Variants in ACAN observed in about 807,000 individuals in gnomAD.
ACAN encodes the protein aggrecan core protein.
A neutral mutation model predicts 169.1 loss-of-function variants in ACAN; 47 were observed. That is an observed-to-expected ratio of 0.28 (90% CI 0.22 to 0.35). ACAN has a LOEUF of 0.35. Among genes scored for constraint, ACAN ranks in the 10% least tolerant of loss-of-function variants. The pLI, the probability that ACAN is intolerant of heterozygous loss-of-function variation, is 1.00. For synonymous variants in ACAN, 1,115 were observed against 1,112.2 expected (o/e 1.00, Z -0.05); for missense variants, 2,716 against 2,759.9 (o/e 0.98, Z 0.36).
At chr15:88,860,689 C>T (rs565901657) in intron 13 of ACAN, among the ~76,000 whole-genome samples, 3 of 152,306 alleles carry the variant, frequency 2.0e-5, no homozygotes, top group Non-Finnish European at 2.9e-5. Flanking sequence ...AGGCTGATGA[C>T]TATTGTAGGA....
At chr15:88,840,938 A>G (rs1166494223) in intron 4 of ACAN, among the ~76,000 whole-genome samples, 1 of 152,152 alleles carries the variant, frequency 6.6e-6, no homozygotes, top group African/African-American at 2.4e-5. Flanking sequence ...AAGTCAGGAG[A>G]TCGAGACCAT....
At chr15:88,833,415 C>T (rs1048521543) in intron 1 of ACAN, among the ~76,000 whole-genome samples, 2 of 152,148 alleles carry the variant, frequency 1.3e-5, no homozygotes, top group Non-Finnish European at 2.9e-5. Flanking sequence ...CCGTCCCCTT[C>T]CTCTGCCTCA....
In ACAN at chr15:88,849,645, A is replaced by G; in HGVS notation, c.1940A>G (p.Lys647Arg). The G allele has an allele frequency of 6.2e-7, 1 of 1,613,478 alleles. No individual in the cohort carries two copies. Among genetic ancestry groups the G allele is most frequent in the South Asian group, 1.1e-5 (1 of 91,046 alleles). The change falls in exon 10 of 19, where the codon AAG becomes AGG. Residue 647 changes from lysine to arginine, a missense_variant. Physicochemically the swap from Lys to Arg is conservative, Grantham distance 26. Around this residue, in one of 3 missense-constraint regions of ACAN, gnomAD observed 1,283 missense variants for 1,281.5 expected, o/e 1.00. Coordinates refer to ENST00000560601, the MANE Select transcript of ACAN (RefSeq NM_001369268.1). The surrounding 1 kb of genome is among the most constrained non-coding windows in gnomAD (Gnocchi z 5.1). ...CCAAGGCCTGCCTGCGGTGGGGACA[A>G]GCCAGGCGTGAGAACGGTCTACCTC... The part of the protein sequence containing the change: ...VTPRPACGGD[K>R]PGVRTVYLYP...
At position 88,855,338 on chromosome 15, in the gene ACAN, T is replaced by C; in HGVS notation, c.2753T>C (p.Leu918Pro). ...VGSGLPVESG[L>P]PSGDEERIEW... ...TCAGGCCTGCCTGTGGAAAGTGGAC[T>C]ACCCTCAGGGGATGAAGAGAGAATT... The change falls in exon 12 of 19, where the codon CTA (leucine) becomes CCA (proline). Residue 918 changes from leucine to proline, a missense_variant. This residue lies in a region of ACAN where 1,283 missense variants were observed against 1,281.5 expected (regional missense o/e 1.00). Coordinates refer to ENST00000560601, the MANE Select transcript of ACAN (RefSeq NM_001369268.1). 6.2e-7 allele frequency: 1 copy of C among 1,612,352 alleles called. No homozygotes were observed. The highest frequency in any genetic ancestry group is 8.5e-7 in the Non-Finnish European group (1 of 1,178,860).
intron 1 of ACAN, among the ~76,000 whole-genome samples, chr15:88,810,128 G>A (rs922398208): frequency 6.6e-6 from 1 of 152,106 alleles, no homozygotes; most frequent in Non-Finnish European, 1.5e-5. Flanking sequence ...CTTGGATGGG[G>A]GTTCACAGGC....
chr15:88,859,130 C>G lies in ACAN; in HGVS notation c.6545C>G (p.Pro2182Arg), dbSNP rs551246840. 27 of 1,613,740 alleles carry G rather than the reference C, an allele frequency of 1.7e-5. No individual in the cohort carries two copies. Among genetic ancestry groups the G allele is most frequent in the East Asian group, 2.2e-5 (1 of 44,902 alleles). Residue 2182 changes from proline to arginine, a missense_variant, in exon 12 of 19, where the codon CCA becomes CGA. Around this residue, in one of 3 missense-constraint regions of ACAN, gnomAD observed 1,389 missense variants for 1,363.7 expected, o/e 1.02. Coordinates refer to ENST00000560601, the MANE Select transcript of ACAN (RefSeq NM_001369268.1). ...TTTSDVGTEA[P>R]GLPSATPTAS... Reference sequence around the variant, plus strand: ...ACCAGTGATGTGGGGACAGAGGCACCAGGCTTGCCTTCAGCCACTCCCACG... The same window carrying G: ...ACCAGTGATGTGGGGACAGAGGCACGAGGCTTGCCTTCAGCCACTCCCACG...
intron 1 of ACAN, among the ~76,000 whole-genome samples, chr15:88,829,230 A>G (rs1029620267): frequency 1.3e-5 from 2 of 152,274 alleles, no homozygotes; most frequent in African/African-American, 2.4e-5. Context: ...AGAGGAGGAA[A>G]TATCAAAAGA....
intron 1 of ACAN, among the ~76,000 whole-genome samples, chr15:88,821,242 C>T (rs1307852216): frequency 2.0e-5 from 3 of 152,164 alleles, no homozygotes; most frequent in Non-Finnish European, 4.4e-5. Flanking sequence ...CAGGCTCATG[C>T]GATCCTCCTA....
chr15:88,872,046 C>G lies in ACAN; in HGVS notation c.7263C>G (p.Thr2421=), dbSNP rs746607972. 1.9e-6 allele frequency: 3 copies of G among 1,614,006 alleles called. No homozygotes were observed. The highest frequency in any genetic ancestry group is 2.5e-6 in the Non-Finnish European group (3 of 1,179,930). ...DYQWIGLNDR[T]IEGDFRWSDG... The stretch of plus-strand genomic sequence containing the variant: ...AGTGGATCGGCCTGAACGACAGGAC[C>G]ATCGAAGGGGACTTCCGCTGGTCAG... Residue 2421 remains threonine, a synonymous_variant, in exon 16 of 19, where the codon ACC becomes ACG. Coordinates refer to ENST00000560601, the MANE Select transcript of ACAN (RefSeq NM_001369268.1). The surrounding 1 kb of genome is among the most constrained non-coding windows in gnomAD (Gnocchi z 5.4).
Position 88,841,797 on chromosome 15 carries a change from T to C in ACAN, c.687T>C (p.Gly229=). The change falls in exon 5 of 19, where the codon GGT becomes GGC. Residue 229 remains glycine, a synonymous_variant. Transcript: ENST00000560601. ...GCYGDKDEFP[G]VRTYGIRDTN... Reference sequence around the variant, plus strand: ...ATGGAGACAAGGATGAGTTTCCTGGTGTGAGGACGTATGGCATCCGAGACA... The same window carrying C: ...ATGGAGACAAGGATGAGTTTCCTGGCGTGAGGACGTATGGCATCCGAGACA... 1 of 1,613,370 alleles carries C rather than the reference T, an allele frequency of 6.2e-7. No homozygotes were observed.
intron 1 of ACAN, among the ~76,000 whole-genome samples, chr15:88,831,616 G>A (rs1008820802): frequency 2.6e-5 from 4 of 152,242 alleles, no homozygotes; most frequent in Admixed American, 6.5e-5. Context: ...GCTACCTTGT[G>A]AAGTTCATTA....
At position 88,843,444 on chromosome 15, in the gene ACAN, A is replaced by C; in HGVS notation, c.847A>C (p.Thr283Pro). 2 of 1,609,806 alleles carry C rather than the reference A, an allele frequency of 1.2e-6. No individual in the cohort carries two copies. Among genetic ancestry groups the C allele is most frequent in the Non-Finnish European group, 1.7e-6 (2 of 1,177,392 alleles). ...CRRLGARLAT[T>P]GQLYLAWQAG... ...GCGGCTGGGTGCCCGGCTGGCCACCACGGGCCAGCTCTACCTGGCCTGGCA... is the reference window on the plus strand; with the variant it reads ...GCGGCTGGGTGCCCGGCTGGCCACCCCGGGCCAGCTCTACCTGGCCTGGCA... The change falls in exon 6 of 19, where the codon ACG becomes CCG. Residue 283 changes from threonine to proline, a missense_variant. Thr to Pro is a conservative substitution (Grantham distance 38). This residue lies in a region of ACAN where 1,283 missense variants were observed against 1,281.5 expected (regional missense o/e 1.00). Coordinates refer to ENST00000560601, the MANE Select transcript of ACAN (RefSeq NM_001369268.1). The surrounding 1 kb of genome is among the most constrained non-coding windows in gnomAD (Gnocchi z 4.0).
chr15:88,819,566 C>T (rs560865433), intron 1 of ACAN, among the ~76,000 whole-genome samples: 1 of 142,152 alleles, frequency 7.0e-6, no homozygotes, highest in East Asian at 2.1e-4. Flanking sequence ...AGTCTGAGAG[C>T]AGCCTGGGCA....
intron 1 of ACAN, among the ~76,000 whole-genome samples, chr15:88,805,326 G>C (rs1206824767): frequency 6.6e-6 from 1 of 152,180 alleles, no homozygotes; most frequent in Non-Finnish European, 1.5e-5. Flanking sequence ...CCTGAAGCTC[G>C]TTGGGGGAGG....
chr15:88,835,414 C>T lies in ACAN; in HGVS notation c.-7-786C>T, dbSNP rs143466716. 6.6e-5 allele frequency among the ~76,000 whole-genome samples: 10 copies of T among 152,214 alleles called. No individual in the cohort carries two copies. In the East Asian group the frequency reaches 1.9e-3, roughly 29 times the overall value. ...GCACACAGACACACACATACACACA[C>T]ACACACACGAGAGACAGAGAGAGAG... On this transcript the variant is annotated intron_variant, in intron 1 of 18. Coordinates refer to ENST00000560601, the MANE Select transcript of ACAN (RefSeq NM_001369268.1).
intron 1 of ACAN, among the ~76,000 whole-genome samples, chr15:88,832,023 A>C (rs1896377148): frequency 6.6e-6 from 1 of 152,054 alleles, no homozygotes; most frequent in Non-Finnish European, 1.5e-5. Context: ...AGCCATTTTG[A>C]CTCAATCTTG....
At chr15:88,836,390 G>A in intron 2 of ACAN, 114 bp downstream of exon 2, 1 of 981,598 alleles carries the variant, frequency 1.0e-6, no homozygotes. Context: ...CCCCTTTCCT[G>A]GACTTTTCCT....
In ACAN at chr15:88,868,468, A is replaced by T; in HGVS notation, c.7060+139A>T. The T allele has an allele frequency of 1.7e-6, 1 of 587,494 alleles. No homozygotes were observed. Among genetic ancestry groups the T allele is most frequent in the Non-Finnish European group, 3.0e-6 (1 of 330,608 alleles). The allele number at this position is 587,494 out of a possible 1,614,324, so 36.4% of individuals were successfully genotyped here. A position where few individuals can be genotyped will look rare whatever the true frequency, so the allele number is the denominator to read the frequency against. On this transcript the variant is annotated intron_variant, in intron 14 of 18. Transcript: ENST00000560601. This position sits in a 1 kb window ranked among gnomAD's most constrained non-coding sequence, Gnocchi z 5.2. ...TCTGGAGAGCCATTTCAGGGGCCAC[A>T]ACTGAAAATTCTGCCCCACTGATTC...
intron 1 of ACAN, among the ~76,000 whole-genome samples, chr15:88,833,385 TC>T (rs1273572125): frequency 6.6e-6 from 1 of 152,080 alleles, no homozygotes; most frequent in East Asian, 1.9e-4. Context: ...AGCTCCCCTC[TC>T]CACTTCATTT....
Sources: gnomAD v4.1 joint callset for allele counts (sites outside exome capture counted in the v4.1 genomes callset) on GRCh38, gnomAD v4.1.1 for gene constraint, gnomAD v4.1.1 regional missense constraint, Gnocchi (gnomAD v3.1) non-coding constraint, MANE v1.5 for transcripts, NCBI Gene and HGNC (gene_info 2026-07-23, HGNC 2026-07-21) for gene names.